The following DENND1A variants were observed in gnomAD, a reference collection of about 807,000 sequenced individuals.
DENND1A encodes the protein DENN domain containing 1A, also known as DENN domain-containing protein 1A.
A neutral mutation model predicts 113.7 loss-of-function variants in DENND1A; 51 were observed. The ratio of observed to expected loss-of-function variants is 0.45; its 90% CI spans 0.36 to 0.57. DENND1A has a LOEUF of 0.57. Among genes scored for constraint, DENND1A ranks in the 20% least tolerant of loss-of-function variants. DENND1A has a pLI of 0.00. For missense variants in DENND1A, 1,258 were observed against 1,395.9 expected (o/e 0.90, Z 1.57); for synonymous variants, 565 against 570.8 (o/e 0.99, Z 0.14).
intron 10 of DENND1A, among the ~76,000 whole-genome samples, chr9:123,610,360 C>T (rs936439034): frequency 6.6e-6 from 1 of 152,156 alleles, no homozygotes; most frequent in Non-Finnish European, 1.5e-5. Flanking sequence ...AGATACAATA[C>T]CCATTTTACA....
chr9:123,419,127 A>G (rs924739961), intron 19 of DENND1A, among the ~76,000 whole-genome samples: 2 of 152,258 alleles, frequency 1.3e-5, no homozygotes, highest in African/African-American at 4.8e-5. Flanking sequence ...ATAGAATAGT[A>G]CAGATGCTGG....
intron 5 of DENND1A, among the ~76,000 whole-genome samples, chr9:123,691,082 G>C (rs2065161092): frequency 6.6e-6 from 1 of 152,188 alleles, no homozygotes; most frequent in African/African-American, 2.4e-5. Flanking sequence ...GTCACTCTTA[G>C]TTGAGAGGGA....
intron 5 of DENND1A, among the ~76,000 whole-genome samples, chr9:123,698,155 T>C (rs2065644093): frequency 6.6e-6 from 1 of 152,178 alleles, no homozygotes; most frequent in Admixed American, 6.5e-5. Context: ...GGACCCTGAT[T>C]CTTCTACAAA....
intron 11 of DENND1A, among the ~76,000 whole-genome samples, chr9:123,585,243 T>G (rs900663747): frequency 6.6e-6 from 1 of 152,212 alleles, no homozygotes; most frequent in African/African-American, 2.4e-5. Context: ...ACTAAGTGCT[T>G]ACTATGGGCT....
chr9:123,754,311 G>C (rs2070337434), intron 5 of DENND1A, among the ~76,000 whole-genome samples: 1 of 152,186 alleles, frequency 6.6e-6, no homozygotes, highest in Non-Finnish European at 1.5e-5. Context: ...AGCTTTAACA[G>C]TAAACCCTTC....
intron 2 of DENND1A, among the ~76,000 whole-genome samples, chr9:123,873,867 C>T (rs190349061): frequency 3.5e-4 from 54 of 152,140 alleles, no homozygotes; most frequent in Non-Finnish European, 5.6e-4. Flanking sequence ...CTCAGCCACC[C>T]GAGCAGCTGG....
chr9:123,866,777 T>C (rs2133363784), intron 2 of DENND1A, among the ~76,000 whole-genome samples: 2 of 152,356 alleles, frequency 1.3e-5, no homozygotes, highest in Middle Eastern at 6.8e-3. Context: ...AAGTCCCACT[T>C]AAACAATGGG....
chr9:123,413,624 C>A (rs1363832946), intron 19 of DENND1A: 6 of 985,406 alleles, frequency 6.1e-6, no homozygotes, highest in Non-Finnish European at 7.2e-6. Context: ...TCCCTGGCGG[C>A]ACATGGAGAA....
chr9:123,524,956 A>G (rs2054696816), intron 13 of DENND1A, among the ~76,000 whole-genome samples: 1 of 152,202 alleles, frequency 6.6e-6, no homozygotes, highest in Admixed American at 6.5e-5. Context: ...GCATTTTAAT[A>G]ACTGAAAAAT....
intron 9 of DENND1A, 53 bp from the exon 10 acceptor site, chr9:123,630,529 G>A (rs2061432519): frequency 2.4e-6 from 3 of 1,234,558 alleles, no homozygotes; most frequent in Middle Eastern, 1.9e-4. Flanking sequence ...AGGAGACACC[G>A]CCATTTGATT....
intron 5 of DENND1A, among the ~76,000 whole-genome samples, chr9:123,697,243 C>A (rs555888241): frequency 6.6e-6 from 1 of 152,240 alleles, no homozygotes; most frequent in East Asian, 1.9e-4. Context: ...AAAAAACAAC[C>A]ATTTTAAACA....
intron 1 of DENND1A, among the ~76,000 whole-genome samples, chr9:123,926,822 A>G (rs10986138): frequency 0.072 from 11,005 of 152,162 alleles, 631 homozygotes; most frequent in African/African-American, 0.16. Context: ...TCAAAGATAA[A>G]TAAGACAGTC....
chr9:123,425,500 C>G (rs1360635642), intron 19 of DENND1A, among the ~76,000 whole-genome samples: 1 of 152,246 alleles, frequency 6.6e-6, no homozygotes, highest in Non-Finnish European at 1.5e-5. Flanking sequence ...TGCTGGATTT[C>G]TCTTGCTCTG....
chr9:123,483,731 G>C, intron 13 of DENND1A, among the ~76,000 whole-genome samples: 1 of 152,336 alleles, frequency 6.6e-6, no homozygotes, highest in East Asian at 1.9e-4. Flanking sequence ...TGTGACTGTG[G>C]GGAAGTCTTT....
chr9:123,470,519 G>A (rs558914135), intron 13 of DENND1A, among the ~76,000 whole-genome samples: 5 of 152,218 alleles, frequency 3.3e-5, no homozygotes, highest in Admixed American at 1.3e-4. Flanking sequence ...GCACTGGAGA[G>A]AGGACACGTG....
chr9:123,529,867 T>C (rs1291752098), intron 13 of DENND1A, among the ~76,000 whole-genome samples: 1 of 152,224 alleles, frequency 6.6e-6, no homozygotes, highest in African/African-American at 2.4e-5. Flanking sequence ...GGTCAGGTGT[T>C]AGGCAGACAT....
intron 13 of DENND1A, 112 bp from the exon 14 acceptor site, chr9:123,458,009 T>C: frequency 1.2e-6 from 1 of 829,284 alleles, no homozygotes; most frequent in African/African-American, 1.7e-5. Context: ...TTTTCCTTTT[T>C]TTTTTTTTTG....
intron 2 of DENND1A, among the ~76,000 whole-genome samples, chr9:123,804,452 C>A (rs1053867643): frequency 3.3e-5 from 5 of 152,322 alleles, no homozygotes; most frequent in Non-Finnish European, 7.3e-5. Context: ...CTTCTGCAGG[C>A]TCCTTGCTGA....
intron 19 of DENND1A, among the ~76,000 whole-genome samples, chr9:123,416,074 T>C (rs1276447523): frequency 6.6e-6 from 1 of 152,154 alleles, no homozygotes; most frequent in Non-Finnish European, 1.5e-5. Context: ...CAGCACTAGC[T>C]GAATGTAGGG....
Sources: allele counts gnomAD v4.1 joint callset (sites outside exome capture counted in the v4.1 genomes callset), GRCh38; gene constraint gnomAD v4.1.1; transcripts MANE v1.5; gene names NCBI Gene and HGNC (gene_info 2026-07-23, HGNC 2026-07-21).